SGCD: variants seen among roughly 807,000 people sequenced by gnomAD.
The protein encoded by SGCD is sarcoglycan delta.
A neutral mutation model predicts 36.6 loss-of-function variants in SGCD; 18 were observed. That is an observed-to-expected ratio of 0.49 (90% confidence interval 0.34 to 0.73). The LOEUF (loss-of-function observed/expected upper bound fraction) is 0.73, where lower values mean the gene tolerates loss of function less well. Among genes scored for constraint, SGCD ranks in the 30% least tolerant of loss-of-function variants. The probability of loss-of-function intolerance (pLI) is 0.01; values close to 1 mark genes in which losing one functional copy is unlikely to be tolerated. For synonymous variants in SGCD, 133 were observed against 130.6 expected, an observed-to-expected ratio of 1.02 and a Z score of -0.12; for missense variants, 387 against 346.7, an observed-to-expected ratio of 1.12 and a Z score of -0.92.
chr5:155,915,339 C>T (rs972356175), intron 1 of SGCD, among the ~76,000 whole-genome samples: 4 of 152,136 alleles, frequency 2.6e-5, no homozygotes, highest in African/African-American at 9.7e-5. Flanking sequence ...ACTCATTTTC[C>T]TCCCTTTAGG....
chr5:156,389,228 G>C lies in SGCD; in HGVS notation c.192+44551G>C, dbSNP rs1381330143. Among the ~76,000 whole-genome samples, 6 of 152,334 alleles carry C rather than the reference G, an allele frequency of 3.9e-5. No homozygotes were observed. The East Asian group carries it at 1.2e-3, about 29-fold the overall frequency. On this transcript the variant is annotated intron_variant, in intron 3 of 8. Coordinates refer to ENST00000337851, the MANE Select transcript of SGCD (RefSeq NM_000337.6). ...CCTTAACAATTGTATATTTCTGCAA[G>C]ATATATCCCTATTTGAAATTGTGCC...
chr5:156,076,313 T>A (rs1760783433), intron 1 of SGCD, among the ~76,000 whole-genome samples: 1 of 152,158 alleles, frequency 6.6e-6, no homozygotes, highest in African/African-American at 2.4e-5. Context: ...TTTTTGTTCC[T>A]GTTTTTGTTT....
chr5:156,729,765 A>G (rs1260244514), intron 7 of SGCD, among the ~76,000 whole-genome samples: 1 of 152,206 alleles, frequency 6.6e-6, no homozygotes, highest in African/African-American at 2.4e-5. Flanking sequence ...ACTAAAAATA[A>G]CTTCTAACAT....
intron 3 of SGCD, among the ~76,000 whole-genome samples, chr5:156,439,304 T>A (rs908344752): frequency 4.6e-5 from 7 of 152,174 alleles, no homozygotes; most frequent in Non-Finnish European, 7.4e-5. Flanking sequence ...GAGTGTCTTA[T>A]CTTAATCATT....
intron 3 of SGCD, among the ~76,000 whole-genome samples, chr5:156,496,508 T>C (rs1319351017): frequency 1.3e-5 from 2 of 152,152 alleles, no homozygotes; most frequent in African/African-American, 2.4e-5. Flanking sequence ...GTGATTCTTT[T>C]TGGCTAATAG....
At chr5:156,048,906 A>G (rs1759845057) in intron 1 of SGCD, among the ~76,000 whole-genome samples, 1 of 151,952 alleles carries the variant, frequency 6.6e-6, no homozygotes, top group Admixed American at 6.6e-5. Flanking sequence ...GCCCATGCCT[A>G]TGTCCTGAAT....
intron 3 of SGCD, among the ~76,000 whole-genome samples, chr5:156,439,153 C>A (rs181711482): frequency 6.0e-4 from 91 of 152,240 alleles, no homozygotes; most frequent in African/African-American, 2.1e-3. Context: ...TTCCAAGGAC[C>A]TTCAAGGTAT....
At chr5:156,590,080 T>C (rs928616752) in intron 5 of SGCD, among the ~76,000 whole-genome samples, 2 of 152,184 alleles carry the variant, frequency 1.3e-5, no homozygotes, top group African/African-American at 4.8e-5. Context: ...AATGTATGTA[T>C]GAATGGCATT....
At chr5:155,748,125 T>C in the SGCD span, among the ~76,000 whole-genome samples, 1 of 150,408 alleles carries the variant, frequency 6.6e-6, no homozygotes, top group African/African-American at 2.4e-5. Flanking sequence ...TTTTTTTTCT[T>C]TTTTTTTTGG....
chr5:156,665,024 G>T (rs1337492100), intron 7 of SGCD, among the ~76,000 whole-genome samples: 1 of 150,578 alleles, frequency 6.6e-6, no homozygotes, highest in Admixed American at 6.6e-5. Context: ...ATAGGATTAA[G>T]TCTCCTAGTG....
intron 3 of SGCD, among the ~76,000 whole-genome samples, chr5:156,165,028 G>A (rs1291478582): frequency 6.6e-6 from 1 of 152,130 alleles, no homozygotes; most frequent in Non-Finnish European, 1.5e-5. Flanking sequence ...TTTGATCAGA[G>A]GCTAAAATAT....
At chr5:156,359,701 G>A (rs1025358035) in intron 3 of SGCD, among the ~76,000 whole-genome samples, 1 of 152,174 alleles carries the variant, frequency 6.6e-6, no homozygotes, top group Non-Finnish European at 1.5e-5. Context: ...CATGAAGAAT[G>A]CTGATGGTCT....
Position 156,349,262 on chromosome 5 carries a change from A to T in SGCD, c.192+4585A>T, listed in dbSNP as rs1769109011. 2.0e-5 allele frequency among the ~76,000 whole-genome samples: 3 copies of T among 152,112 alleles called. No individual in the cohort carries two copies. The South Asian group carries it at 6.2e-4, about 31-fold the overall frequency. ...AAACAAAAATAAATAAATGGAACCT[A>T]ATTAAACTAAAAAGCTTCCGCACAG... On this transcript the variant is annotated intron_variant, in intron 3 of 8. Transcript: ENST00000337851.
intron 3 of SGCD, among the ~76,000 whole-genome samples, chr5:156,459,341 C>T (rs1023646758): frequency 6.6e-6 from 1 of 152,100 alleles, no homozygotes; most frequent in African/African-American, 2.4e-5. Flanking sequence ...TCTTACTATC[C>T]CAGTCATTAA....
chr5:156,295,876 A>G (rs930326712), intron 3 of SGCD, among the ~76,000 whole-genome samples: 1 of 152,200 alleles, frequency 6.6e-6, no homozygotes, highest in Non-Finnish European at 1.5e-5. Flanking sequence ...AACCAGTAGA[A>G]GCAACTCAAC....
intron 4 of SGCD, among the ~76,000 whole-genome samples, chr5:156,547,196 C>A (rs930497714): frequency 1.3e-5 from 2 of 152,136 alleles, no homozygotes; most frequent in African/African-American, 4.8e-5. Flanking sequence ...GGCCAGATTT[C>A]TCACTTTTGT....
intron 3 of SGCD, among the ~76,000 whole-genome samples, chr5:156,382,876 T>C (rs1771058665): frequency 6.6e-6 from 1 of 152,224 alleles, no homozygotes; most frequent in Non-Finnish European, 1.5e-5. Flanking sequence ...GGTTTTTCCT[T>C]ATTAGATTTT....
intron 3 of SGCD, among the ~76,000 whole-genome samples, chr5:156,178,612 A>G (rs549255363): frequency 1.1e-4 from 16 of 152,278 alleles, no homozygotes; most frequent in Admixed American, 2.0e-4. Context: ...TTCCCCTTCT[A>G]TAGAACGATG....
intron 3 of SGCD, among the ~76,000 whole-genome samples, chr5:156,376,576 T>G (rs1770681044): frequency 6.6e-6 from 1 of 152,196 alleles, no homozygotes; most frequent in South Asian, 2.1e-4. Context: ...AAGATAAATA[T>G]ACCCATTTAC....
Sources: allele counts gnomAD v4.1 joint callset (sites outside exome capture counted in the v4.1 genomes callset), GRCh38; gene constraint gnomAD v4.1.1; transcripts MANE v1.5; gene names NCBI Gene and HGNC (gene_info 2026-07-23, HGNC 2026-07-21).